Variants in GNB4 observed in about 807,000 individuals in gnomAD.
GNB4 encodes the protein G protein subunit beta 4, also known as guanine nucleotide-binding protein subunit beta-4.
Under a neutral mutation model 45.2 loss-of-function variants are expected in GNB4, and 28 were observed. The observed-to-expected ratio is 0.62, with a 90% CI of 0.46 to 0.85. The LOEUF (loss-of-function observed/expected upper bound fraction) is 0.85, where lower values mean the gene tolerates loss of function less well. GNB4 is among the 40% of genes least tolerant of loss of function. The pLI, the probability that GNB4 is intolerant of heterozygous loss-of-function variation, is 0.00. For missense variants in GNB4, 321 were observed against 425.4 expected (o/e 0.75, Z 2.16); for synonymous variants, 132 against 143.7 (o/e 0.92, Z 0.58).
the GNB4 span, among the ~76,000 whole-genome samples, chr3:179,508,199 C>G: frequency 6.6e-6 from 1 of 152,136 alleles, no homozygotes; most frequent in Non-Finnish European, 1.5e-5. Context: ...GTTGTCCAGG[C>G]TGGTCTCGAA....
chr3:179,417,211 A>C (rs1361727022), intron 4 of GNB4, among the ~76,000 whole-genome samples: 2 of 152,178 alleles, frequency 1.3e-5, no homozygotes, highest in Non-Finnish European at 2.9e-5. Context: ...GGAGAAAGCT[A>C]TGTAAGATCA....
At chr3:179,464,610 A>C in the GNB4 span, 5 of 1,301,300 alleles carry the variant, frequency 3.8e-6, no homozygotes, top group Non-Finnish European at 4.5e-6. Flanking sequence ...CCTCAACAAA[A>C]CCAGGGCAGC....
chr3:179,416,361 G>A lies in GNB4; in HGVS notation c.267+132C>T, dbSNP rs528309471. 15 of 608,418 alleles carry A rather than the reference G, an allele frequency of 2.5e-5. No homozygotes were observed. The East Asian group carries it at 4.8e-4, about 20-fold the overall frequency. 37.7% of individuals were successfully genotyped at this position (608,418 alleles called of 1,614,324 possible). On this transcript the variant is annotated intron_variant, in intron 5 of 9. Coordinates refer to ENST00000232564, the MANE Select transcript of GNB4 (RefSeq NM_021629.4). The stretch of plus-strand genomic sequence containing the variant: ...AAGTAAACACTAAGACAAAAGAGAA[G>A]AACTAGATTAAAATAAACAATAAAT...
intron 1 of GNB4, among the ~76,000 whole-genome samples, chr3:179,444,528 C>A (rs2287208): frequency 0.51 from 77,575 of 151,192 alleles, 20,210 homozygotes; most frequent in African/African-American, 0.59. Flanking sequence ...TCCTCAAGTA[C>A]TTAACTGCCT....
chr3:179,450,626 G>T (rs1241427191), intron 1 of GNB4, among the ~76,000 whole-genome samples: 3 of 152,132 alleles, frequency 2.0e-5, no homozygotes, highest in Non-Finnish European at 4.4e-5. Context: ...ACAAAGTATT[G>T]CTTGTATAAA....
At chr3:179,420,765 TAC>T (rs1193644389) in intron 3 of GNB4, 122 bp downstream of exon 3, 12 of 696,988 alleles carry the variant, frequency 1.7e-5, no homozygotes, top group South Asian at 1.3e-4. Flanking sequence ...GAAGTGCTTT[TAC>T]ACAGAGATTT....
chr3:179,399,557 C>A lies in GNB4; in HGVS notation c.*1656G>T, dbSNP rs1714222866. 6.6e-6 allele frequency: 1 copy of A among 152,174 alleles called. No homozygotes were observed. Among genetic ancestry groups the A allele is most frequent in the Non-Finnish European group, 1.5e-5 (1 of 68,028 alleles). The allele number at this position is 152,174 out of a possible 1,614,324, so 9.4% of individuals were successfully genotyped here. A position where few individuals can be genotyped will look rare whatever the true frequency, so the allele number is the denominator to read the frequency against. ...ATAAATATACATTCATAACTGCCAT[C>A]TACAATATTCTGTTTTGGTCCTATA... On this transcript the variant is annotated 3_prime_UTR_variant, in exon 10 of 10. Coordinates refer to ENST00000232564, the MANE Select transcript of GNB4 (RefSeq NM_021629.4).
the GNB4 span, among the ~76,000 whole-genome samples, chr3:179,486,964 A>G: frequency 1.3e-5 from 2 of 152,256 alleles, no homozygotes; most frequent in Middle Eastern, 3.2e-3. Flanking sequence ...ACATATTGGC[A>G]TAAACCAAGC....
chr3:179,479,145 A>G, the GNB4 span, among the ~76,000 whole-genome samples: 2 of 152,146 alleles, frequency 1.3e-5, no homozygotes, highest in Admixed American at 1.3e-4. Flanking sequence ...TATTTTCTGT[A>G]GAAATGGGGT....
the GNB4 span, among the ~76,000 whole-genome samples, chr3:179,467,967 T>A: frequency 6.7e-6 from 1 of 148,264 alleles, no homozygotes; most frequent in Non-Finnish European, 1.5e-5. Flanking sequence ...CCCACCCAAA[T>A]GTATAATGAA....
the GNB4 span, among the ~76,000 whole-genome samples, chr3:179,468,672 T>C: frequency 6.6e-6 from 1 of 152,170 alleles, no homozygotes; most frequent in African/African-American, 2.4e-5. Context: ...AGATTCTTTG[T>C]AGCAGTAAGA....
upstream of GNB4, among the ~76,000 whole-genome samples, chr3:179,452,108 C>T (rs76102613): frequency 1.4e-3 from 213 of 152,262 alleles, 1 homozygote; most frequent in African/African-American, 4.9e-3. Context: ...ATGGCCAATA[C>T]TTGGAAGTTA....
the GNB4 span, among the ~76,000 whole-genome samples, chr3:179,472,892 G>A: frequency 6.6e-5 from 10 of 152,130 alleles, no homozygotes; most frequent in African/African-American, 9.7e-5. Flanking sequence ...GGCCGGGCGC[G>A]GTGGCTCACG....
At chr3:179,484,159 C>A in the GNB4 span, among the ~76,000 whole-genome samples, 2 of 152,136 alleles carry the variant, frequency 1.3e-5, no homozygotes, top group Non-Finnish European at 2.9e-5. Context: ...TAGTATTCTT[C>A]AATTAATGAG....
the GNB4 span, among the ~76,000 whole-genome samples, chr3:179,519,381 C>A: frequency 1.3e-5 from 2 of 152,184 alleles, no homozygotes; most frequent in Non-Finnish European, 2.9e-5. Flanking sequence ...ATAACAGACA[C>A]CAAGCTTCAG....
At chr3:179,449,055 A>G (rs1312331720) in intron 1 of GNB4, among the ~76,000 whole-genome samples, 1 of 152,246 alleles carries the variant, frequency 6.6e-6, no homozygotes, top group Non-Finnish European at 1.5e-5. Flanking sequence ...AAGGTGCAGG[A>G]GAGAGTATGA....
At chr3:179,434,966 T>G (rs1310709651) in intron 1 of GNB4, among the ~76,000 whole-genome samples, 1 of 151,800 alleles carries the variant, frequency 6.6e-6, no homozygotes, top group Non-Finnish European at 1.5e-5. Context: ...TAAAAGTGAG[T>G]GCTACAGGAA....
At chr3:179,484,003 C>T in the GNB4 span, among the ~76,000 whole-genome samples, 1 of 152,306 alleles carries the variant, frequency 6.6e-6, no homozygotes, top group East Asian at 1.9e-4. Context: ...CAAAAAAGGA[C>T]ATTAGAACTT....
At chr3:179,498,749 G>GTTTTTTTTTTTTTTTTTTTTTTTT in the GNB4 span, among the ~76,000 whole-genome samples, 1 of 130,812 alleles carries the variant, frequency 7.6e-6, no homozygotes, top group East Asian at 2.3e-4. Flanking sequence ...TTGAGGTTTG[G>GTTTTTTTTTTTTTTTTTTTTTTTT]TTTTTTTTTT....
Sources: gnomAD v4.1 joint callset for allele counts (sites outside exome capture counted in the v4.1 genomes callset) on GRCh38, gnomAD v4.1.1 for gene constraint, MANE v1.5 for transcripts, NCBI Gene and HGNC (gene_info 2026-07-23, HGNC 2026-07-21) for gene names.